Variants in IQCM observed in about 807,000 individuals in gnomAD.
IQCM encodes the protein IQ motif containing M.
Under a neutral mutation model 57.6 loss-of-function variants are expected in IQCM, and 45 were observed. The observed-to-expected ratio is 0.78, with a 90% confidence interval of 0.62 to 1.00. The LOEUF (loss-of-function observed/expected upper bound fraction) is 1.00, where lower values mean the gene tolerates loss of function less well. Among genes scored for constraint, IQCM ranks in the 50% least tolerant of loss-of-function variants. The pLI, the probability that IQCM is intolerant of heterozygous loss-of-function variation, is 0.00. For missense variants in IQCM, 468 were observed against 511.6 expected, an observed-to-expected ratio of 0.91 and a Z score of 0.82; for synonymous variants, 148 against 158.9, an observed-to-expected ratio of 0.93 and a Z score of 0.51.
At chr4:149,354,564 T>A (rs1305504175) in intron 13 of IQCM, among the ~76,000 whole-genome samples, 1 of 151,886 alleles carries the variant, frequency 6.6e-6, no homozygotes, top group Non-Finnish European at 1.5e-5. Flanking sequence ...TTAAGTGCTT[T>A]CCTATTATGA....
At chr4:149,373,449 C>G (rs1005085509) in intron 13 of IQCM, among the ~76,000 whole-genome samples, 1 of 152,062 alleles carries the variant, frequency 6.6e-6, no homozygotes, top group Non-Finnish European at 1.5e-5. Flanking sequence ...TGAGATGTTA[C>G]TATCATAGTT....
chr4:149,610,555 G>A (rs1022319702), intron 8 of IQCM, among the ~76,000 whole-genome samples: 4 of 151,894 alleles, frequency 2.6e-5, no homozygotes, highest in Non-Finnish European at 5.9e-5. Context: ...AGAGAAACAA[G>A]AAGTAAATTC....
chr4:149,786,863 A>G (rs546171823), intron 2 of IQCM, among the ~76,000 whole-genome samples: 17 of 152,322 alleles, frequency 1.1e-4, no homozygotes, highest in Non-Finnish European at 2.2e-4. Flanking sequence ...ATTCTACTAT[A>G]AAGACACATG....
chr4:149,487,561 C>T (rs769098653), intron 12 of IQCM, among the ~76,000 whole-genome samples: 1 of 152,088 alleles, frequency 6.6e-6, no homozygotes, highest in Non-Finnish European at 1.5e-5. Flanking sequence ...GACCCCAGGG[C>T]ACTTCAGCTC....
chr4:149,808,230 C>T lies in IQCM; in HGVS notation c.-49+7081G>A, dbSNP rs556770448. Among the ~76,000 whole-genome samples, 12 of 152,148 alleles carry T rather than the reference C, an allele frequency of 7.9e-5. No individual in the cohort carries two copies. The South Asian group carries it at 2.5e-3, about 32-fold the overall frequency. ...AGATGCACAATGCAATATTATTCAT[C>T]CATAAAAATAATGAAATCCTGTCAT... On this transcript the variant is annotated intron_variant, in intron 2 of 13. Coordinates refer to ENST00000636793, the MANE Select transcript of IQCM (RefSeq NM_001363507.2).
At chr4:149,724,536 T>C (rs953366350) in intron 5 of IQCM, among the ~76,000 whole-genome samples, 16 of 151,674 alleles carry the variant, frequency 1.1e-4, no homozygotes, top group African/African-American at 3.9e-4. Context: ...CCCACACCCA[T>C]AAACACATAT....
chr4:149,760,087 T>C (rs1361936254), intron 2 of IQCM, among the ~76,000 whole-genome samples: 2 of 151,698 alleles, frequency 1.3e-5, no homozygotes, highest in Non-Finnish European at 2.9e-5. Context: ...AGGCTGAAGA[T>C]GATGGGGAGA....
At chr4:149,679,338 G>A (rs1762003931) in intron 7 of IQCM, among the ~76,000 whole-genome samples, 1 of 151,576 alleles carries the variant, frequency 6.6e-6, no homozygotes, top group East Asian at 1.9e-4. Context: ...TAATCTCAAA[G>A]ACAAAGAGTA....
Position 149,377,551 on chromosome 4 carries a change from C to T in IQCM, c.1391-25485G>A, listed in dbSNP as rs191019327. 2.8e-3 allele frequency among the ~76,000 whole-genome samples: 422 copies of T among 152,226 alleles called. 3 individuals carry two copies. The highest frequency in any genetic ancestry group is 9.6e-3 in the African/African-American group (397 of 41,548). On this transcript the variant is annotated intron_variant, in intron 13 of 13. Coordinates refer to ENST00000636793, the MANE Select transcript of IQCM (RefSeq NM_001363507.2). ...TCTTTTTTCACTCTCTTGATGTCCT[C>T]ATTCAGTACTGTGTCTTTAAATATC...
chr4:149,614,865 G>A (rs1012987677), intron 8 of IQCM, among the ~76,000 whole-genome samples: 8 of 152,202 alleles, frequency 5.3e-5, no homozygotes, highest in African/African-American at 1.7e-4. Context: ...GCATCCACAA[G>A]TGGCAGAGCT....
intron 10 of IQCM, among the ~76,000 whole-genome samples, chr4:149,555,551 T>A (rs989534076): frequency 6.6e-6 from 1 of 152,246 alleles, no homozygotes; most frequent in Non-Finnish European, 1.5e-5. Flanking sequence ...AGTGTCTGCA[T>A]CAAACTCTTT....
At chr4:149,506,564 A>G (rs1435491512) in intron 12 of IQCM, among the ~76,000 whole-genome samples, 1 of 152,140 alleles carries the variant, frequency 6.6e-6, no homozygotes, top group Non-Finnish European at 1.5e-5. Flanking sequence ...CAGGATATAT[A>G]CCCTTTGGAA....
intron 5 of IQCM, among the ~76,000 whole-genome samples, chr4:149,716,983 C>T (rs79144730): frequency 6.6e-6 from 1 of 152,212 alleles, no homozygotes; most frequent in Non-Finnish European, 1.5e-5. Context: ...GATGGCACAT[C>T]CCAACTTTAC....
rs575384828 is a variant in IQCM, at chr4:149,371,942, A to C, written c.1391-19876T>G. ...CCTTTTTCTCCATTTGATACTTCTC[A>C]TGAATTTCTCAAGCTTTAAAAAAAA... On this transcript the variant is annotated intron_variant, in intron 13 of 13. Transcript: ENST00000636793. Among the ~76,000 whole-genome samples the C allele has an allele frequency of 2.6e-5, 4 of 152,242 alleles. No homozygotes were observed. In the South Asian group the frequency reaches 8.3e-4, roughly 32 times the overall value.
At chr4:149,568,251 G>A (rs1323222169) in intron 9 of IQCM, among the ~76,000 whole-genome samples, 1 of 152,122 alleles carries the variant, frequency 6.6e-6, no homozygotes, top group African/African-American at 2.4e-5. Context: ...TTTGCTGGGA[G>A]AGACGTCTCA....
chr4:149,649,491 C>T (rs765102682), intron 7 of IQCM, among the ~76,000 whole-genome samples: 6 of 151,828 alleles, frequency 4.0e-5, no homozygotes, highest in Non-Finnish European at 5.9e-5. Flanking sequence ...GTGGGGTTCC[C>T]CTACTATTTT....
intron 5 of IQCM, among the ~76,000 whole-genome samples, chr4:149,726,340 A>G (rs945259697): frequency 2.0e-5 from 3 of 152,098 alleles, no homozygotes; most frequent in Non-Finnish European, 2.9e-5. Flanking sequence ...TGCTCTATCA[A>G]TCCACCTGCA....
At chr4:149,471,694 C>A (rs147464946) in intron 12 of IQCM, among the ~76,000 whole-genome samples, 1 of 152,108 alleles carries the variant, frequency 6.6e-6, no homozygotes, top group South Asian at 2.1e-4. Context: ...ACCAATAACC[C>A]TGATGAACAT....
chr4:149,451,514 A>C (rs1737120629), intron 12 of IQCM, among the ~76,000 whole-genome samples: 1 of 151,710 alleles, frequency 6.6e-6, no homozygotes, highest in African/African-American at 2.4e-5. Context: ...AAAAAGCATT[A>C]TGAGTAAGTA....
Sources: allele counts gnomAD v4.1 joint callset (sites outside exome capture counted in the v4.1 genomes callset), GRCh38; gene constraint gnomAD v4.1.1; transcripts MANE v1.5; gene names NCBI Gene and HGNC (gene_info 2026-07-23, HGNC 2026-07-21).